The following SCD5 variants were observed in gnomAD, a reference collection of about 807,000 sequenced individuals.
SCD5 encodes the protein stearoyl-CoA desaturase 5, also known as acyl-CoA-desaturase 4.
Under a neutral mutation model 30.4 loss-of-function variants are expected in SCD5, and 20 were observed. The observed-to-expected ratio is 0.66, with a 90% confidence interval of 0.46 to 0.96. SCD5 has a LOEUF of 0.96. Ranked by LOEUF, SCD5 falls within the 40% of genes least tolerant of loss-of-function variation. The pLI, the probability that SCD5 is intolerant of heterozygous loss-of-function variation, is 0.00. For missense variants in SCD5, 381 were observed against 443.3 expected (o/e 0.86, Z 1.26); for synonymous variants, 173 against 176.4 (o/e 0.98, Z 0.16).
At chr4:82,752,091 C>A (rs182864301) in intron 1 of SCD5, among the ~76,000 whole-genome samples, 64 of 152,146 alleles carry the variant, frequency 4.2e-4, no homozygotes, top group Admixed American at 2.3e-3. Context: ...AAGAAATCCC[C>A]ATAAGTCTGT....
chr4:82,737,878 A>G (rs1475349216), intron 1 of SCD5, among the ~76,000 whole-genome samples: 1 of 152,142 alleles, frequency 6.6e-6, no homozygotes, highest in Non-Finnish European at 1.5e-5. Flanking sequence ...AAGGTCATGG[A>G]TAAGATTAAA....
intron 3 of SCD5, among the ~76,000 whole-genome samples, chr4:82,650,931 ATAAAT>A (rs1355698893): frequency 6.9e-6 from 1 of 144,876 alleles, no homozygotes; most frequent in Non-Finnish European, 1.5e-5. Context: ...TACATGGTAA[ATAAAT>A]TACATATTTT....
intron 2 of SCD5, among the ~76,000 whole-genome samples, chr4:82,696,937 C>T (rs761459915): frequency 1.2e-4 from 19 of 152,308 alleles, no homozygotes; most frequent in Admixed American, 5.9e-4. Context: ...TAAGCTCAGA[C>T]ATTTGGGCCT....
intron 1 of SCD5, among the ~76,000 whole-genome samples, chr4:82,767,834 A>C (rs928448569): frequency 1.3e-5 from 2 of 152,210 alleles, no homozygotes; most frequent in African/African-American, 4.8e-5. Context: ...CAAGATAATA[A>C]TGACACTTTG....
Position 82,652,987 on chromosome 4 carries a change from A to G in SCD5, c.570-16164T>C, listed in dbSNP as rs1727788040. ...GGACACATGGCAAAACCCTGTCTCT[A>G]CTAAAAATACAAAAATTAGCTTGGG... On this transcript the variant is annotated intron_variant, in intron 3 of 4. Transcript: ENST00000319540. 2.6e-5 allele frequency among the ~76,000 whole-genome samples: 4 copies of G among 152,222 alleles called. No individual in the cohort carries two copies. The South Asian group carries it at 8.3e-4, about 32-fold the overall frequency.
At chr4:82,680,076 C>T (rs1379715183) in intron 3 of SCD5, among the ~76,000 whole-genome samples, 1 of 152,222 alleles carries the variant, frequency 6.6e-6, no homozygotes, top group Admixed American at 6.5e-5. Context: ...CTTGCCAGCA[C>T]AATTGTAGGC....
chr4:82,682,634 G>A (rs1204017096), intron 2 of SCD5, among the ~76,000 whole-genome samples: 2 of 152,122 alleles, frequency 1.3e-5, no homozygotes, highest in Non-Finnish European at 2.9e-5. Context: ...CTGATGAGAA[G>A]GGAAGAAATT....
At chr4:82,680,985 C>A in intron 2 of SCD5, 73 bp from the exon 3 acceptor site, 3 of 1,265,710 alleles carry the variant, frequency 2.4e-6, no homozygotes, top group Admixed American at 3.6e-5. Flanking sequence ...AGCTTCCCAG[C>A]CTCCCCTCCC....
chr4:82,745,002 G>T (rs2148840210), intron 1 of SCD5, among the ~76,000 whole-genome samples: 1 of 152,230 alleles, frequency 6.6e-6, no homozygotes, highest in East Asian at 1.9e-4. Context: ...AAAAAACAGG[G>T]GTATTGAGCC....
chr4:82,746,822 T>C (rs768307748), intron 1 of SCD5, among the ~76,000 whole-genome samples: 32 of 152,114 alleles, frequency 2.1e-4, no homozygotes, highest in African/African-American at 7.2e-4. Flanking sequence ...CCTGCGCCCA[T>C]GGACCCAAGC....
intron 1 of SCD5, among the ~76,000 whole-genome samples, chr4:82,780,878 G>A (rs1448870210): frequency 2.6e-5 from 4 of 152,262 alleles, no homozygotes; most frequent in Admixed American, 2.6e-4. Context: ...CGTCAGGGGA[G>A]GTCCGGGCAC....
In SCD5 at chr4:82,640,618, C is replaced by A. The variant is rs149471095; in HGVS notation, c.570-3795G>T. Among the ~76,000 whole-genome samples the A allele has an allele frequency of 6.1e-4, 93 of 152,300 alleles. 1 individual carries two copies. Among genetic ancestry groups the A allele is most frequent in the African/African-American group, 2.0e-3 (84 of 41,576 alleles). On this transcript the variant is annotated intron_variant, in intron 3 of 4. Transcript: ENST00000319540. ...AAAATCCTCCCTGACTATCTCAAGC[C>A]GACTTAGCAAATCTTTCCCAAGTAG...
intron 1 of SCD5, among the ~76,000 whole-genome samples, chr4:82,797,875 T>C (rs969572676): frequency 8.6e-5 from 13 of 151,748 alleles, no homozygotes; most frequent in Admixed American, 7.9e-4. Context: ...GCGGAGGTGA[T>C]GGGGGGGATA....
chr4:82,658,451 G>A (rs1256891837), intron 3 of SCD5, among the ~76,000 whole-genome samples: 1 of 140,816 alleles, frequency 7.1e-6, no homozygotes, highest in Non-Finnish European at 1.5e-5. Context: ...AAGCTGACTT[G>A]ATTGTGGTGG....
chr4:82,795,898 A>G (rs933790053), intron 1 of SCD5, among the ~76,000 whole-genome samples: 32 of 151,312 alleles, frequency 2.1e-4, no homozygotes, highest in African/African-American at 7.5e-4. Context: ...CTAAGTCACA[A>G]TTTTGGACCT....
intron 1 of SCD5, among the ~76,000 whole-genome samples, chr4:82,775,259 G>A (rs11722062): frequency 0.25 from 37,921 of 152,086 alleles, 5,427 homozygotes; most frequent in African/African-American, 0.39. Flanking sequence ...TTTCACTCAC[G>A]CCCTGGTTGG....
At chr4:82,699,227 G>T (rs1431285178) in intron 2 of SCD5, among the ~76,000 whole-genome samples, 2 of 152,168 alleles carry the variant, frequency 1.3e-5, no homozygotes. Context: ...TTACAGCACA[G>T]CAGTAAGAGG....
chr4:82,764,332 C>A (rs1177784866), intron 1 of SCD5, among the ~76,000 whole-genome samples: 1 of 152,158 alleles, frequency 6.6e-6, no homozygotes, highest in East Asian at 1.9e-4. Context: ...ACATTTGGTG[C>A]TATTATTAAT....
chr4:82,784,876 G>A (rs556850710), intron 1 of SCD5, among the ~76,000 whole-genome samples: 1 of 152,308 alleles, frequency 6.6e-6, no homozygotes, highest in Admixed American at 6.5e-5. Context: ...GCTGGGCCAG[G>A]CAATAACCCT....
Sources: gnomAD v4.1 joint callset for allele counts (sites outside exome capture counted in the v4.1 genomes callset) on GRCh38, gnomAD v4.1.1 for gene constraint, MANE v1.5 for transcripts, NCBI Gene and HGNC (gene_info 2026-07-23, HGNC 2026-07-21) for gene names.